Variants in INPP5A observed in about 807,000 individuals in gnomAD.
The protein encoded by INPP5A is 43 kDa inositol polyphosphate 5-phophatase.
A neutral mutation model predicts 65.2 loss-of-function variants in INPP5A; 14 were observed. That is an observed-to-expected ratio of 0.21 (90% CI 0.14 to 0.34). The LOEUF is 0.34. Among genes scored for constraint, INPP5A ranks in the 10% least tolerant of loss-of-function variants. The probability of loss-of-function intolerance (pLI) is 1.00; values close to 1 mark genes in which losing one functional copy is unlikely to be tolerated. For synonymous variants in INPP5A, 207 were observed against 208.3 expected, an observed-to-expected ratio of 0.99 and a Z score of 0.05; for missense variants, 431 against 545.6, an observed-to-expected ratio of 0.79 and a Z score of 2.09.
rs1846955901 is a variant in INPP5A, at chr10:132,771,725, CA to C, written c.977+5880del. ...GGCAGCCACCCCATGAAGAGTGGGA[CA>C]GACACTCAGCACTGACACAGAGGCC... On this transcript the variant is annotated intron_variant, in intron 12 of 15. Coordinates refer to ENST00000368594, the MANE Select transcript of INPP5A (RefSeq NM_005539.5). Among the ~76,000 whole-genome samples the C allele has an allele frequency of 2.9e-4, 21 of 71,804 alleles. 1 individual carries two copies. Among genetic ancestry groups the C allele is most frequent in the African/African-American group, 5.6e-4 (15 of 26,614 alleles). The allele number at this position is 71,804 out of a possible 152,430, so 47.1% of individuals were successfully genotyped here. A position where few individuals can be genotyped will look rare whatever the true frequency, so the allele number is the denominator to read the frequency against.
chr10:132,680,982 G>A (rs1050934363), intron 4 of INPP5A, among the ~76,000 whole-genome samples: 1 of 152,198 alleles, frequency 6.6e-6, no homozygotes, highest in African/African-American at 2.4e-5. Flanking sequence ...GACGAGCTCC[G>A]CCCCCTGCTC....
chr10:132,667,417 C>T (rs2072820098), intron 4 of INPP5A, among the ~76,000 whole-genome samples: 1 of 152,172 alleles, frequency 6.6e-6, no homozygotes, highest in Admixed American at 6.5e-5. Context: ...TCTATTATCA[C>T]AATAATTGAG....
intron 2 of INPP5A, among the ~76,000 whole-genome samples, chr10:132,636,002 G>T (rs1420208703): frequency 1.4e-5 from 2 of 141,954 alleles, no homozygotes; most frequent in South Asian, 4.4e-4. Context: ...AAAAAAAAAA[G>T]GCATATTCAA....
rs137959334 is a variant in INPP5A, at chr10:132,770,668, T to C, written c.977+4822T>C. On this transcript the variant is annotated intron_variant, in intron 12 of 15. Coordinates refer to ENST00000368594, the MANE Select transcript of INPP5A (RefSeq NM_005539.5). ...TCCATCTGTTGGTCATGGCCATCAGTTTTTAAATATTTATTAGTCCGTTTT... is the reference window on the plus strand; with the variant it reads ...TCCATCTGTTGGTCATGGCCATCAGCTTTTAAATATTTATTAGTCCGTTTT... Among the ~76,000 whole-genome samples, 1,216 of 152,360 alleles carry C rather than the reference T, an allele frequency of 8.0e-3. 10 individuals carry two copies. The highest frequency in any genetic ancestry group is 0.027 in the African/African-American group (1,113 of 41,584).
At chr10:132,716,694 G>C (rs1414945921) in intron 8 of INPP5A, among the ~76,000 whole-genome samples, 2 of 152,254 alleles carry the variant, frequency 1.3e-5, no homozygotes, top group Non-Finnish European at 2.9e-5. Context: ...GGAGTGGGGG[G>C]TCCTGGAGGT....
intron 1 of INPP5A, among the ~76,000 whole-genome samples, chr10:132,540,779 A>G (rs2070896526): frequency 6.6e-6 from 1 of 152,216 alleles, no homozygotes; most frequent in South Asian, 2.1e-4. Flanking sequence ...CTGTGAAGGA[A>G]TCTTTCTCGC....
At chr10:132,585,785 A>C (rs2071537788) in intron 1 of INPP5A, among the ~76,000 whole-genome samples, 1 of 151,648 alleles carries the variant, frequency 6.6e-6, no homozygotes, top group Admixed American at 6.6e-5. Flanking sequence ...GTCTTATTTC[A>C]TTTTCTGTGT....
chr10:132,751,768 C>T (rs1409877695), intron 11 of INPP5A, among the ~76,000 whole-genome samples: 1 of 140,928 alleles, frequency 7.1e-6, no homozygotes, highest in East Asian at 2.1e-4. Context: ...GGCGAGTGCC[C>T]AGGAGGTGTC....
chr10:132,691,956 C>G (rs536190938), intron 5 of INPP5A, among the ~76,000 whole-genome samples: 1 of 151,280 alleles, frequency 6.6e-6, no homozygotes, highest in African/African-American at 2.4e-5. Context: ...GCGGTCCTGG[C>G]AGGCGTGCGG....
At chr10:132,584,974 G>C (rs781464263) in intron 1 of INPP5A, among the ~76,000 whole-genome samples, 3 of 152,172 alleles carry the variant, frequency 2.0e-5, no homozygotes, top group Non-Finnish European at 4.4e-5. Flanking sequence ...CCAAAGTGCT[G>C]GGATTTTTCT....
intron 1 of INPP5A, among the ~76,000 whole-genome samples, chr10:132,548,792 CTTTT>C (rs71013535): frequency 1.0e-4 from 8 of 79,314 alleles, no homozygotes; most frequent in Admixed American, 1.6e-4. Flanking sequence ...GTTTATCTGG[CTTTT>C]TTTTTTTTTT....
chr10:132,641,263 G>A (rs534168002), intron 2 of INPP5A, among the ~76,000 whole-genome samples: 2 of 152,164 alleles, frequency 1.3e-5, no homozygotes, highest in African/African-American at 4.8e-5. Flanking sequence ...ACAATGTCGG[G>A]ATTTAAAATA....
intron 4 of INPP5A, among the ~76,000 whole-genome samples, chr10:132,657,085 G>A: frequency 6.6e-6 from 1 of 152,220 alleles, no homozygotes; most frequent in Non-Finnish European, 1.5e-5. Context: ...TAGCCCCAGA[G>A]GCAGGAGGCT....
In INPP5A at chr10:132,703,999, G is replaced by A. The variant is rs149292094; in HGVS notation, c.475-4314G>A. On this transcript the variant is annotated intron_variant, in intron 6 of 15. Coordinates refer to ENST00000368594, the MANE Select transcript of INPP5A (RefSeq NM_005539.5). ...ACGCAAGCTTCACCCACACACACAC[G>A]CACGGCTTCACCCCCCCACACACGC... Among the ~76,000 whole-genome samples, 595 of 101,532 alleles carry A rather than the reference G, an allele frequency of 5.9e-3. 1 individual carries two copies. Among genetic ancestry groups the A allele is most frequent in the Admixed American group, 0.011 (92 of 8,744 alleles). The allele number at this position is 101,532 out of a possible 152,430, so 66.6% of individuals were successfully genotyped here.
At chr10:132,558,825 C>G (rs1206603693) in intron 1 of INPP5A, among the ~76,000 whole-genome samples, 1 of 152,260 alleles carries the variant, frequency 6.6e-6, no homozygotes, top group African/African-American at 2.4e-5. Context: ...CGGCAGTCGC[C>G]TTGCAGTGGT....
intron 1 of INPP5A, among the ~76,000 whole-genome samples, chr10:132,581,024 C>G (rs1443953539): frequency 1.3e-5 from 2 of 152,188 alleles, no homozygotes; most frequent in East Asian, 3.8e-4. Flanking sequence ...CAAGACCCCT[C>G]CCCCATACCT....
At chr10:132,640,657 C>T (rs993454874) in intron 2 of INPP5A, among the ~76,000 whole-genome samples, 3 of 152,370 alleles carry the variant, frequency 2.0e-5, no homozygotes, top group South Asian at 2.1e-4. Flanking sequence ...TGGTTGTCCT[C>T]GGCGGGAACA....
At chr10:132,628,709 A>G (rs1001284622) in intron 2 of INPP5A, among the ~76,000 whole-genome samples, 11 of 152,238 alleles carry the variant, frequency 7.2e-5, no homozygotes, top group Admixed American at 3.3e-4. Flanking sequence ...AACAATTTTT[A>G]TAAAGAACTC....
At position 132,775,475 on chromosome 10, in the gene INPP5A, G is replaced by A. The variant is rs544428074; in HGVS notation, c.978-2196G>A. Among the ~76,000 whole-genome samples, 45 of 152,238 alleles carry A rather than the reference G, an allele frequency of 3.0e-4. 1 individual carries two copies. The highest frequency in any genetic ancestry group is 7.7e-4 in the East Asian group (4 of 5,178). ...AGCACCTCCCACCTGTGGGTACAGC[G>A]GTTGTGTGCAGTCCACACTGGCCTT... On this transcript the variant is annotated intron_variant, in intron 12 of 15. Transcript: ENST00000368594.
Sources: allele counts gnomAD v4.1 joint callset (sites outside exome capture counted in the v4.1 genomes callset), GRCh38; gene constraint gnomAD v4.1.1; transcripts MANE v1.5; gene names NCBI Gene and HGNC (gene_info 2026-07-23, HGNC 2026-07-21).